ZNF429: variants seen among roughly 807,000 people sequenced by gnomAD.
ZNF429 encodes the protein zinc finger protein 429.
In ZNF429, 53 loss-of-function variants were observed where a neutral mutation model predicts 56.8. That is an observed-to-expected ratio of 0.93 (90% CI 0.75 to 1.17). The LOEUF (loss-of-function observed/expected upper bound fraction) is 1.17, where lower values mean the gene tolerates loss of function less well. Among genes scored for constraint, ZNF429 ranks in the 50% most tolerant of loss-of-function variants. The pLI is 0.00. For synonymous variants in ZNF429, 278 were observed against 264.7 expected (o/e 1.05, Z -0.49); for missense variants, 849 against 788.4 (o/e 1.08, Z -0.92).
At chr19:21,509,794 A>AT (rs1324695299) in intron 1 of ZNF429, among the ~76,000 whole-genome samples, 2 of 152,260 alleles carry the variant, frequency 1.3e-5, no homozygotes, top group Non-Finnish European at 2.9e-5. Flanking sequence ...TTAGATTTGT[A>AT]TAAAAAAAAG....
chr19:21,511,279 A>G (rs34978316), intron 1 of ZNF429, among the ~76,000 whole-genome samples: 28,188 of 151,578 alleles, frequency 0.19, 2,634 homozygotes, highest in Middle Eastern at 0.22. Context: ...TCCCTCCCAG[A>G]TGGGGTGGCT....
At chr19:21,530,190 C>CAA in intron 2 of ZNF429, among the ~76,000 whole-genome samples, 3 of 59,254 alleles carry the variant, frequency 5.1e-5, no homozygotes, top group African/African-American at 1.2e-4. Context: ...GACTCCATCT[C>CAA]AAAAAAAAAA....
In ZNF429 at chr19:21,511,158, C is replaced by T. The variant is rs1020196488; in HGVS notation, c.3+5384C>T. On this transcript the variant is annotated intron_variant, in intron 1 of 3. Transcript: ENST00000358491. ...CTCCTCACTTCCCAGAAGGGGCGGC[C>T]AGGCAGAGGAGTCCCCCACCTCCCG... is the stretch of plus-strand genomic sequence containing the variant. Among the ~76,000 whole-genome samples the T allele has an allele frequency of 2.3e-4, 34 of 148,860 alleles. 1 individual carries two copies. The highest frequency in any genetic ancestry group is 8.4e-4 in the African/African-American group (34 of 40,318).
At chr19:21,528,447 G>T (rs1322021518) in intron 1 of ZNF429, among the ~76,000 whole-genome samples, 3 of 152,154 alleles carry the variant, frequency 2.0e-5, no homozygotes, top group Non-Finnish European at 2.9e-5. Context: ...GCTCACACCT[G>T]TAATCTTAAC....
chr19:21,512,633 T>A (rs2681391), intron 1 of ZNF429, among the ~76,000 whole-genome samples: 1 of 144,590 alleles, frequency 6.9e-6, no homozygotes. Context: ...CACTGCATTC[T>A]GCCTGGGCGA....
intron 1 of ZNF429, among the ~76,000 whole-genome samples, chr19:21,514,735 A>T (rs1163810375): frequency 6.6e-6 from 1 of 151,208 alleles, no homozygotes; most frequent in Non-Finnish European, 1.5e-5. Flanking sequence ...AGTAGCTGGG[A>T]TCACAGGCAC....
intron 1 of ZNF429, chr19:21,521,216 T>C (rs2032974774): frequency 6.6e-6 from 1 of 152,226 alleles, no homozygotes. Context: ...ATTTGAATGC[T>C]GCTATTACAG....
At position 21,536,516 on chromosome 19, in the gene ZNF429, T is replaced by TA; in HGVS notation, c.464dup (p.Tyr155Ter). 1 of 1,612,706 alleles carries TA rather than the reference T, an allele frequency of 6.2e-7. No homozygotes were observed. Among genetic ancestry groups the TA allele is most frequent in the Non-Finnish European group, 8.5e-7 (1 of 1,179,486 alleles). Residue 155 changes from tyrosine to a stop codon, truncating the protein, a stop_gained and frameshift_variant, in exon 4 of 4, where the codon TAT becomes TAAT. Transcript: ENST00000358491. LOFTEE classifies it high-confidence loss of function. ...YHCDIYVKVF[Y>*]AFSNADRYKT... is the part of the protein sequence containing the mutation. ...CTGTGATATATATGTAAAAGTCTTTTATGCATTTTCAAATGCAGATAGATA... is the reference window on the plus strand; with the variant it reads ...CTGTGATATATATGTAAAAGTCTTTTAATGCATTTTCAAATGCAGATAGATA...
At position 21,537,649 on chromosome 19, in the gene ZNF429, T is replaced by G; in HGVS notation, c.1596T>G (p.Thr532=). The G allele has an allele frequency of 6.2e-7, 1 of 1,613,506 alleles. No individual in the cohort carries two copies. Among genetic ancestry groups the G allele is most frequent in the African/African-American group, 1.3e-5 (1 of 74,966 alleles). The change falls in exon 4 of 4, where the codon ACT becomes ACG. Residue 532 remains threonine, a synonymous_variant. Transcript: ENST00000358491. ...SRLTQHKKIH[T]GEKPYKCEEC... ...TTACTCAACATAAGAAAATTCATAC[T>G]GGAGAGAAACCTTACAAATGTGAAG... is the stretch of plus-strand genomic sequence containing the variant.
chr19:21,527,183 G>A (rs1017887913), intron 1 of ZNF429, among the ~76,000 whole-genome samples: 1 of 152,132 alleles, frequency 6.6e-6, no homozygotes, highest in African/African-American at 2.4e-5. Flanking sequence ...CATCAGCACC[G>A]ATGGGACTTG....
Position 21,530,685 on chromosome 19 carries a change from G to A in ZNF429, c.226+1G>A. 3 of 1,605,088 alleles carry A rather than the reference G, an allele frequency of 1.9e-6. No homozygotes were observed. Among genetic ancestry groups the A allele is most frequent in the South Asian group, 2.2e-5 (2 of 89,892 alleles). ...CATGAAATGGTGGATGAACCCCCAG[G>A]TAGGTGAGAGTGAACACAACAGACA... On this transcript the variant is annotated splice_donor_variant, in intron 3 of 3. Coordinates refer to ENST00000358491, the MANE Select transcript of ZNF429 (RefSeq NM_001001415.4). LOFTEE classifies it high-confidence loss of function.
chr19:21,517,927 G>T (rs2145435577), intron 1 of ZNF429, among the ~76,000 whole-genome samples: 1 of 151,646 alleles, frequency 6.6e-6, no homozygotes, highest in East Asian at 2.0e-4. Context: ...CTGAGTAGAT[G>T]GGACTACGGG....
intron 3 of ZNF429, among the ~76,000 whole-genome samples, chr19:21,535,411 CTTTTCTTT>C: frequency 2.6e-5 from 1 of 38,468 alleles, no homozygotes; most frequent in East Asian, 6.7e-4. Context: ...CTTTCTTTTT[CTTTTCTTT>C]CTTTCTTTCT....
At chr19:21,535,436 C>CT in intron 3 of ZNF429, among the ~76,000 whole-genome samples, 383 of 27,884 alleles carry the variant, frequency 0.014, 31 homozygotes, top group African/African-American at 0.044. Flanking sequence ...TTCTTTCTTT[C>CT]TTTCTTTCTT....
chr19:21,528,921 C>CT (rs1469082069), intron 1 of ZNF429, among the ~76,000 whole-genome samples: 1 of 152,180 alleles, frequency 6.6e-6, no homozygotes, highest in Admixed American at 6.5e-5. Flanking sequence ...AAAGAACTCT[C>CT]TGACAGACTG....
intron 2 of ZNF429, 30 bp downstream of exon 2, chr19:21,529,814 A>G: frequency 5.9e-6 from 8 of 1,366,098 alleles, no homozygotes; most frequent in Non-Finnish European, 8.0e-6. Flanking sequence ...AACATTCCTA[A>G]TATACCCTAA....
intron 1 of ZNF429, among the ~76,000 whole-genome samples, chr19:21,517,889 G>A (rs1419450328): frequency 6.6e-6 from 1 of 151,092 alleles, no homozygotes; most frequent in Admixed American, 6.6e-5. Flanking sequence ...CGTCTCCCAG[G>A]TTCACGCCAT....
chr19:21,527,238 A>G (rs966818350), intron 1 of ZNF429, among the ~76,000 whole-genome samples: 2 of 152,156 alleles, frequency 1.3e-5, no homozygotes, highest in Admixed American at 1.3e-4. Context: ...GCAGAATCAC[A>G]TTATGTAGAA....
At chr19:21,508,623 AATC>A (rs1207263378) in intron 1 of ZNF429, among the ~76,000 whole-genome samples, 1 of 152,180 alleles carries the variant, frequency 6.6e-6, no homozygotes, top group Non-Finnish European at 1.5e-5. Context: ...GCTTCAGAAA[AATC>A]TATCTTTTTT....
Sources: allele counts gnomAD v4.1 joint callset (sites outside exome capture counted in the v4.1 genomes callset), GRCh38; gene constraint gnomAD v4.1.1; transcripts MANE v1.5; gene names NCBI Gene and HGNC (gene_info 2026-07-23, HGNC 2026-07-21).